Variants in UHMK1 observed in about 807,000 individuals in gnomAD.
UHMK1 encodes serine/threonine-protein kinase Kist.
Under a neutral mutation model 44.0 loss-of-function variants are expected in UHMK1, and 18 were observed. That is an observed-to-expected ratio of 0.41 (90% CI 0.28 to 0.61). The LOEUF (loss-of-function observed/expected upper bound fraction) is 0.61, where lower values mean the gene tolerates loss of function less well. Ranked by LOEUF, UHMK1 falls within the 20% of genes least tolerant of loss-of-function variation. UHMK1 has a pLI of 0.31. For missense variants in UHMK1, 463 were observed against 522.5 expected, an observed-to-expected ratio of 0.89 and a Z score of 1.11; for synonymous variants, 231 against 198.5, an observed-to-expected ratio of 1.16 and a Z score of -1.38.
intron 7 of UHMK1, among the ~76,000 whole-genome samples, chr1:162,522,114 T>G (rs1031589192): frequency 3.9e-5 from 6 of 152,218 alleles, no homozygotes; most frequent in Admixed American, 1.3e-4. Context: ...TAGCAAAAGA[T>G]TGTACATGAT....
intron 1 of UHMK1, among the ~76,000 whole-genome samples, chr1:162,498,522 C>T (rs1451444969): frequency 6.6e-6 from 1 of 152,220 alleles, no homozygotes. Context: ...TCGGAGAATG[C>T]CGCATTCATT....
chr1:162,523,333 A>G lies in UHMK1; in HGVS notation c.*783A>G, dbSNP rs2236581. On this transcript the variant is annotated 3_prime_UTR_variant, in exon 8 of 8. Coordinates refer to ENST00000489294, the MANE Select transcript of UHMK1 (RefSeq NM_175866.5). Reference sequence around the variant, plus strand: ...ACCTGTTTCACATCCGTAAGATTTAAGATATACATTTTTTGAGAGGTAGTC... The same window carrying G: ...ACCTGTTTCACATCCGTAAGATTTAGGATATACATTTTTTGAGAGGTAGTC... The G allele has an allele frequency of 0.45, 69,068 of 152,310 alleles. 15,717 individuals carry two copies. Among genetic ancestry groups the G allele is most frequent in the East Asian group, 0.47 (2,442 of 5,160 alleles). 9.4% of individuals were successfully genotyped at this position (152,310 alleles called of 1,614,324 possible). A position where few individuals can be genotyped will look rare whatever the true frequency, so the allele number is the denominator to read the frequency against.
chr1:162,507,549 AG>A (rs1183112609), intron 4 of UHMK1, among the ~76,000 whole-genome samples: 3 of 150,998 alleles, frequency 2.0e-5, no homozygotes, highest in African/African-American at 7.3e-5. Flanking sequence ...CTGGGATTAC[AG>A]GCATAAGCCA....
At chr1:162,497,399 G>T, upstream of UHMK1, 1 of 647,968 alleles carries the variant, frequency 1.5e-6, no homozygotes, top group South Asian at 1.7e-5. Context: ...GCGACACGGG[G>T]GGCTTAGAAT....
intron 4 of UHMK1, among the ~76,000 whole-genome samples, chr1:162,505,143 C>T (rs1651422161): frequency 6.6e-6 from 1 of 152,014 alleles, no homozygotes; most frequent in Admixed American, 6.6e-5. Context: ...TTTAATTTTT[C>T]TTTATCTTAT....
chr1:162,513,893 AG>A (rs1347537775), intron 6 of UHMK1, among the ~76,000 whole-genome samples: 1 of 152,236 alleles, frequency 6.6e-6, no homozygotes, highest in Non-Finnish European at 1.5e-5. Context: ...TTTATGATTA[AG>A]TATTCAATAC....
chr1:162,510,833 G>A (rs1295458050), intron 4 of UHMK1, among the ~76,000 whole-genome samples: 1 of 152,042 alleles, frequency 6.6e-6, no homozygotes, highest in African/African-American at 2.4e-5. Flanking sequence ...ATACCCAGTA[G>A]TGGGATTGCT....
intron 7 of UHMK1, 68 bp from the exon 8 acceptor site, chr1:162,522,336 G>T: frequency 1.3e-6 from 2 of 1,541,904 alleles, no homozygotes; most frequent in Non-Finnish European, 8.9e-7. Context: ...ATATATTAAA[G>T]GTGGTAAAGC....
At chr1:162,513,447 G>A (rs762186202) in intron 6 of UHMK1, among the ~76,000 whole-genome samples, 2 of 152,102 alleles carry the variant, frequency 1.3e-5, no homozygotes, top group African/African-American at 2.4e-5. Flanking sequence ...TATTTACTAT[G>A]TGCTGTTGTG....
At chr1:162,497,787 A>T, upstream of UHMK1, 1 of 1,242,266 alleles carries the variant, frequency 8.0e-7, no homozygotes, top group Non-Finnish European at 1.0e-6. Flanking sequence ...TTCGGCCTGT[A>T]TGATAGGCTC....
chr1:162,511,043 G>A (rs1056314345), intron 4 of UHMK1, among the ~76,000 whole-genome samples: 2 of 151,942 alleles, frequency 1.3e-5, no homozygotes, highest in African/African-American at 2.4e-5. Context: ...GTTGATTAGC[G>A]ATATTGAGCA....
intron 6 of UHMK1, among the ~76,000 whole-genome samples, chr1:162,514,744 G>C (rs1651779157): frequency 6.6e-6 from 1 of 152,166 alleles, no homozygotes; most frequent in Non-Finnish European, 1.5e-5. Context: ...GGCAGATGGT[G>C]GTCCTAGTTA....
rs1169066621 is a variant in UHMK1 at position 162,508,103 on chromosome 1, A to G, written c.848+4255A>G. Among the ~76,000 whole-genome samples the G allele has an allele frequency of 2.0e-5, 3 of 151,536 alleles. No individual in the cohort carries two copies. In the South Asian group the frequency reaches 6.3e-4, roughly 32 times the overall value. ...CTTATATCGTTTTTTAAAAATGTCT[A>G]GCTCATTTGAGTTTTTTGCAGGGGG... On this transcript the variant is annotated intron_variant, in intron 4 of 7. Transcript: ENST00000489294.
chr1:162,519,267 G>A (rs1052326511), intron 7 of UHMK1, among the ~76,000 whole-genome samples: 11 of 150,268 alleles, frequency 7.3e-5, no homozygotes, highest in African/African-American at 2.7e-4. Context: ...AGCAAGCTGA[G>A]ATTGCTTTAT....
chr1:162,522,348 C>G lies in UHMK1; in HGVS notation c.1114-56C>G, dbSNP rs1652088120. 2.5e-6 allele frequency: 4 copies of G among 1,589,046 alleles called. No individual in the cohort carries two copies. In the Admixed American group the frequency reaches 6.8e-5, roughly 27 times the overall value. Reference sequence around the variant, plus strand: ...TATATATATTAAAGGTGGTAAAGCACTGGTCTAAAACAATCTTGGTGGAAA... The same window carrying G: ...TATATATATTAAAGGTGGTAAAGCAGTGGTCTAAAACAATCTTGGTGGAAA... On this transcript the variant is annotated intron_variant, in intron 7 of 7. Coordinates refer to ENST00000489294, the MANE Select transcript of UHMK1 (RefSeq NM_175866.5).
At chr1:162,518,054 C>A in intron 6 of UHMK1, 48 bp from the exon 7 acceptor site, 1 of 1,334,262 alleles carries the variant, frequency 7.5e-7, no homozygotes, top group Non-Finnish European at 1.1e-6. Context: ...ATGTTGAATA[C>A]TTGTTTATTA....
chr1:162,501,295 G>A (rs528740925), intron 3 of UHMK1, among the ~76,000 whole-genome samples, 191 bp downstream of exon 3: 29 of 152,090 alleles, frequency 1.9e-4, no homozygotes, highest in Admixed American at 5.9e-4. Context: ...TCAGCCTCCT[G>A]AGTAGCTGGG....
At chr1:162,504,627 T>C (rs1303112263) in intron 4 of UHMK1, among the ~76,000 whole-genome samples, 1 of 152,220 alleles carries the variant, frequency 6.6e-6, no homozygotes, top group Admixed American at 6.5e-5. Context: ...TAGGGCACTT[T>C]ACCATGAATA....
chr1:162,501,033 C>T lies in UHMK1; in HGVS notation c.682C>T (p.Leu228=), dbSNP rs1651249814. ...ECTSAVDLWS[L]GIILLEMFSG... ...TACCTCAGCTGTTGATCTGTGGAGCCTAGGAATCATTTTACTGGAAATGTT... is the reference window on the plus strand; with the variant it reads ...TACCTCAGCTGTTGATCTGTGGAGCTTAGGAATCATTTTACTGGAAATGTT... Residue 228 remains leucine, a synonymous_variant, in exon 3 of 8, where the codon CTA becomes TTA. Transcript: ENST00000489294. The T allele has an allele frequency of 1.9e-6, 3 of 1,614,002 alleles. No individual in the cohort carries two copies. Among genetic ancestry groups the T allele is most frequent in the Non-Finnish European group, 1.7e-6 (2 of 1,179,998 alleles).
Sources: allele counts gnomAD v4.1 joint callset (sites outside exome capture counted in the v4.1 genomes callset), GRCh38; gene constraint gnomAD v4.1.1; transcripts MANE v1.5; gene names NCBI Gene and HGNC (gene_info 2026-07-23, HGNC 2026-07-21).